Variants in NEAT1 observed in about 807,000 individuals in gnomAD.
The protein encoded by NEAT1 is MENepsilon/beta.
chr11:65,444,719 G>A lies in NEAT1; in HGVS notation n.21922G>A, dbSNP rs58775432. 6.3e-3 allele frequency: 2,095 copies of A among 331,854 alleles called. 40 individuals carry two copies. The highest frequency in any genetic ancestry group is 0.042 in the African/African-American group (1,916 of 46,110). 20.6% of individuals were successfully genotyped at this position (331,854 alleles called of 1,614,324 possible). A position where few individuals can be genotyped will look rare whatever the true frequency, so the allele number is the denominator to read the frequency against. ...CCAGGTGGGCTTTGTGTACCTTTGG[G>A]TCCTGGGGCCCTGGTGACTTGGACT... is the stretch of plus-strand genomic sequence containing the variant. On this transcript the variant is annotated non_coding_transcript_exon_variant, in exon 1 of 1. Transcript: ENST00000501122.
chr11:65,427,205 T>G (rs1189720496), exon 1 of NEAT1: 5 of 152,262 alleles, frequency 3.3e-5, no homozygotes, highest in Non-Finnish European at 5.9e-5. Flanking sequence ...CTGTGTTACC[T>G]CTTGGGGTGT....
chr11:65,424,278 A>G (rs1856537939), exon 1 of NEAT1: 1 of 152,242 alleles, frequency 6.6e-6, no homozygotes, highest in Non-Finnish European at 1.5e-5. Flanking sequence ...TCCAGAGCCC[A>G]TGAATGCCAG....
exon 1 of NEAT1, chr11:65,441,776 C>T (rs545753131): frequency 1.4e-4 from 22 of 152,232 alleles, no homozygotes; most frequent in African/African-American, 4.3e-4. Context: ...TCTTTTCCTC[C>T]GGCATGCCTT....
At chr11:65,426,454 T>C (rs756862858) in exon 1 of NEAT1, 1 of 152,252 alleles carries the variant, frequency 6.6e-6, no homozygotes, top group Non-Finnish European at 1.5e-5. Flanking sequence ...CTAATTCTGT[T>C]ACGTCATGTA....
chr11:65,431,514 C>CGTTCTCACCAAGA (rs1856613715), exon 1 of NEAT1: 1 of 152,150 alleles, frequency 6.6e-6, no homozygotes, highest in Non-Finnish European at 1.5e-5. Context: ...CACCATTTTA[C>CGTTCTCACCAAGA]GTTCTCACCA....
exon 1 of NEAT1, chr11:65,431,390 T>C (rs1220230320): frequency 6.6e-6 from 1 of 152,204 alleles, no homozygotes; most frequent in Non-Finnish European, 1.5e-5. Flanking sequence ...CACATCTTTT[T>C]GAGATCCTAC....
At chr11:65,427,790 T>C (rs1258044284) in exon 1 of NEAT1, 1 of 152,158 alleles carries the variant, frequency 6.6e-6, no homozygotes, top group Non-Finnish European at 1.5e-5. Flanking sequence ...TCTCGTCCTG[T>C]TTTTTATGAT....
exon 1 of NEAT1, chr11:65,430,191 T>G (rs1856602023): frequency 6.6e-6 from 1 of 152,394 alleles, no homozygotes; most frequent in Non-Finnish European, 1.5e-5. Context: ...TGTTGAGCTC[T>G]CACAGTGAAC....
chr11:65,442,416 C>G (rs1460640324), exon 1 of NEAT1: 1 of 151,812 alleles, frequency 6.6e-6, no homozygotes, highest in Non-Finnish European at 1.5e-5. Flanking sequence ...GACAGCATTC[C>G]TGTCTGCGAA....
chr11:65,423,719 C>T (rs1176605867), exon 1 of NEAT1: 4 of 152,242 alleles, frequency 2.6e-5, no homozygotes, highest in Non-Finnish European at 5.9e-5. Flanking sequence ...TTAACTTATC[C>T]ATTCACTTAA....
exon 1 of NEAT1, chr11:65,432,893 C>G (rs1856625221): frequency 6.6e-6 from 1 of 150,926 alleles, no homozygotes; most frequent in South Asian, 2.1e-4. Context: ...CTCTGTATAC[C>G]TTTTTGTACC....
chr11:65,432,665 T>C (rs1003009863), exon 1 of NEAT1: 2 of 151,240 alleles, frequency 1.3e-5, no homozygotes, highest in African/African-American at 4.9e-5. Flanking sequence ...CTTTTTTTTC[T>C]TTATGTGTGT....
At chr11:65,437,208 T>TATGTATATATATATATATAC (rs1856667048) in exon 1 of NEAT1, 1 of 139,270 alleles carries the variant, frequency 7.2e-6, no homozygotes, top group Non-Finnish European at 1.5e-5. Context: ...TATATATATA[T>TATGTATATATATATATATAC]ATGTATATAT....
At chr11:65,424,920 GT>G (rs1856545689) in exon 1 of NEAT1, 1 of 152,078 alleles carries the variant, frequency 6.6e-6, no homozygotes, top group African/African-American at 2.4e-5. Flanking sequence ...TCCCGTGGGC[GT>G]TGCAGTGTGG....
At chr11:65,444,332 A>AAGTT (rs1856744671) in exon 1 of NEAT1, 2 of 403,408 alleles carry the variant, frequency 5.0e-6, no homozygotes, top group African/African-American at 4.9e-5. Flanking sequence ...TAAAAGAGAG[A>AAGTT]AGTTGTGGAG....
chr11:65,437,251 A>ATGTATATATATAT (rs1856669607), exon 1 of NEAT1: 1 of 146,712 alleles, frequency 6.8e-6, no homozygotes, highest in Non-Finnish European at 1.5e-5. Flanking sequence ...ATATATATAT[A>ATGTATATATATAT]CTAATTTTCT....
chr11:65,436,481 A>C (rs912859868), exon 1 of NEAT1: 3 of 152,240 alleles, frequency 2.0e-5, no homozygotes, highest in African/African-American at 7.2e-5. Flanking sequence ...TTGAACTTCA[A>C]ACCCTGTGGG....
exon 1 of NEAT1, chr11:65,440,118 A>T (rs1020105496): frequency 1.5e-4 from 23 of 152,144 alleles, no homozygotes; most frequent in African/African-American, 5.3e-4. Context: ...TTTAAATTTG[A>T]AATAATAATA....
At chr11:65,438,646 G>A (rs1186646482) in exon 1 of NEAT1, 2 of 152,194 alleles carry the variant, frequency 1.3e-5, no homozygotes, top group Non-Finnish European at 2.9e-5. Context: ...TAATCATACA[G>A]TATTTGTCTT....
Sources: gnomAD v4.1 joint callset for allele counts on GRCh38, gnomAD v4.1.1 for gene constraint, MANE v1.5 for transcripts, NCBI Gene and HGNC (gene_info 2026-07-23, HGNC 2026-07-21) for gene names.